Variants in PIK3C2G observed in about 807,000 individuals in gnomAD.
PIK3C2G encodes the protein phosphatidylinositol-4-phosphate 3-kinase catalytic subunit type 2 gamma, also known as phosphatidylinositol 3-kinase C2 domain-containing subunit gamma.
PIK3C2G carries 168 observed loss-of-function variants against 181.1 expected under a neutral mutation model. The ratio of observed to expected loss-of-function variants is 0.93; its 90% CI spans 0.82 to 1.05. The LOEUF (loss-of-function observed/expected upper bound fraction) is 1.05. Ranked by LOEUF, PIK3C2G falls within the 50% of genes least tolerant of loss-of-function variation. The pLI, the probability that PIK3C2G is intolerant of heterozygous loss-of-function variation, is 0.00. For synonymous variants in PIK3C2G, 573 were observed against 592.2 expected (o/e 0.97, Z 0.47); for missense variants, 1,869 against 1,732.8 (o/e 1.08, Z -1.40).
At chr12:18,718,941 C>G in the PIK3C2G span, among the ~76,000 whole-genome samples, 1 of 152,104 alleles carries the variant, frequency 6.6e-6, no homozygotes, top group African/African-American at 2.4e-5. Flanking sequence ...TATTTTTAAT[C>G]TATGTAAACT....
intron 18 of PIK3C2G, 120 bp downstream of exon 18, chr12:18,424,159 C>G: frequency 1.7e-6 from 1 of 603,472 alleles, no homozygotes; most frequent in Non-Finnish European, 3.0e-6. Flanking sequence ...AAAATTCAGG[C>G]AGTTTTGAGT....
chr12:18,574,273 G>T (rs1333675991), intron 29 of PIK3C2G, among the ~76,000 whole-genome samples: 1 of 152,194 alleles, frequency 6.6e-6, no homozygotes, highest in African/African-American at 2.4e-5. Context: ...TTTGATGTAA[G>T]AGTGAAGAAC....
At chr12:18,578,742 T>C (rs898190431) in intron 29 of PIK3C2G, among the ~76,000 whole-genome samples, 1 of 152,158 alleles carries the variant, frequency 6.6e-6, no homozygotes, top group East Asian at 1.9e-4. Context: ...CATTAGAATT[T>C]ATGTAGTCTA....
intron 18 of PIK3C2G, among the ~76,000 whole-genome samples, chr12:18,450,638 G>C (rs1029126638): frequency 1.3e-5 from 2 of 152,152 alleles, no homozygotes; most frequent in Non-Finnish European, 2.9e-5. Flanking sequence ...TGGTGTTTTA[G>C]TCATGAAGTC....
the PIK3C2G span, among the ~76,000 whole-genome samples, chr12:18,664,653 T>C: frequency 4.6e-5 from 7 of 152,084 alleles, no homozygotes; most frequent in East Asian, 2.0e-4. Flanking sequence ...CATCCCATTA[T>C]TGGGTATATA....
At chr12:18,429,541 A>T (rs1359282941) in intron 18 of PIK3C2G, among the ~76,000 whole-genome samples, 1 of 151,218 alleles carries the variant, frequency 6.6e-6, no homozygotes, top group Non-Finnish European at 1.5e-5. Context: ...ACTGTTCATG[A>T]CTCTGCCAGA....
At chr12:18,272,367 T>C (rs942389967) in intron 1 of PIK3C2G, among the ~76,000 whole-genome samples, 1 of 152,202 alleles carries the variant, frequency 6.6e-6, no homozygotes, top group African/African-American at 2.4e-5. Context: ...GACTTCTTCA[T>C]GGTAGTTTTG....
intron 29 of PIK3C2G, among the ~76,000 whole-genome samples, chr12:18,584,345 CT>C (rs1006982693): frequency 2.1e-4 from 32 of 152,094 alleles, no homozygotes; most frequent in African/African-American, 7.7e-4. Context: ...TTTAAAAACC[CT>C]AATAGATCTG....
At chr12:18,439,156 A>T (rs1946601770) in intron 18 of PIK3C2G, among the ~76,000 whole-genome samples, 1 of 152,014 alleles carries the variant, frequency 6.6e-6, no homozygotes, top group South Asian at 2.1e-4. Context: ...TAGTAGAAAA[A>T]TCACTGTATA....
chr12:18,537,527 A>T (rs969937760), intron 24 of PIK3C2G, among the ~76,000 whole-genome samples: 2 of 151,930 alleles, frequency 1.3e-5, no homozygotes, highest in African/African-American at 4.8e-5. Flanking sequence ...TTGTTTTCTT[A>T]TTTTTCCATC....
intron 5 of PIK3C2G, among the ~76,000 whole-genome samples, chr12:18,312,002 T>C (rs573474634): frequency 2.0e-5 from 3 of 152,286 alleles, no homozygotes; most frequent in South Asian, 4.1e-4. Flanking sequence ...GGGAGAAAGA[T>C]GTAGGCTGCG....
Position 18,640,504 on chromosome 12 carries a change from A to G in PIK3C2G, c.4258A>G (p.Arg1420Gly), listed in dbSNP as rs768818731. 8 of 1,605,986 alleles carry G rather than the reference A, an allele frequency of 5.0e-6. No individual in the cohort carries two copies. Among genetic ancestry groups the G allele is most frequent in the Non-Finnish European group, 6.0e-6 (7 of 1,175,306 alleles). ...LLPYPSEVRR[R>G]KTKSVPKCTD... ...ACCATATCCCAGTGAAGTTCGTAGGAGGAAAACAAAATCTGTTCCAAAATG... is the reference window on the plus strand; with the variant it reads ...ACCATATCCCAGTGAAGTTCGTAGGGGGAAAACAAAATCTGTTCCAAAATG... The change falls in exon 32 of 33, where the codon AGG becomes GGG. Residue 1420 changes from arginine to glycine, a missense_variant. Physicochemically the swap from Arg to Gly is moderately radical, Grantham distance 125. Coordinates refer to ENST00000538779, the MANE Select transcript of PIK3C2G (RefSeq NM_001288772.2).
intron 1 of PIK3C2G, among the ~76,000 whole-genome samples, chr12:18,281,271 A>G (rs1029832696): frequency 5.0e-5 from 7 of 139,496 alleles, no homozygotes; most frequent in African/African-American, 1.8e-4. Context: ...TAATAGGCAA[A>G]AAAAAAAAAA....
rs369523904 is a variant in PIK3C2G at position 18,645,782 on chromosome 12, G to T, written c.4309-2094G>T. ...ATGAGAAAACACACAGTTGACAACA[G>T]ATTCATGAAAATATAAATTATTGAT... On this transcript the variant is annotated intron_variant, in intron 32 of 32. Transcript: ENST00000538779. Among the ~76,000 whole-genome samples, 484 of 152,216 alleles carry T rather than the reference G, an allele frequency of 3.2e-3. 5 individuals are homozygous for T. The highest frequency in any genetic ancestry group is 0.011 in the African/African-American group (459 of 41,532).
chr12:18,542,063 T>C (rs1944183673), intron 25 of PIK3C2G, among the ~76,000 whole-genome samples: 1 of 151,752 alleles, frequency 6.6e-6, no homozygotes, highest in Admixed American at 6.6e-5. Context: ...CGAGTAAGTA[T>C]AGGGTCCACT....
At chr12:18,704,001 TA>T in the PIK3C2G span, among the ~76,000 whole-genome samples, 2 of 152,204 alleles carry the variant, frequency 1.3e-5, no homozygotes, top group African/African-American at 2.4e-5. Flanking sequence ...AGTTTATTTG[TA>T]ATCTGATAAA....
chr12:18,486,455 A>G (rs1184789369), intron 18 of PIK3C2G, among the ~76,000 whole-genome samples: 1 of 152,114 alleles, frequency 6.6e-6, no homozygotes, highest in East Asian at 1.9e-4. Flanking sequence ...TCAATAGAAT[A>G]AGGAATAAGA....
chr12:18,347,655 C>T (rs1367336191), intron 11 of PIK3C2G, among the ~76,000 whole-genome samples: 1 of 151,790 alleles, frequency 6.6e-6, no homozygotes, highest in African/African-American at 2.4e-5. Context: ...ACTAAAAATA[C>T]AAAAAATTAG....
intron 24 of PIK3C2G, among the ~76,000 whole-genome samples, chr12:18,536,715 T>C (rs1037822129): frequency 1.6e-4 from 24 of 152,130 alleles, no homozygotes; most frequent in African/African-American, 5.5e-4. Context: ...CTATATCTCA[T>C]GTTTTCAACA....
Sources: gnomAD v4.1 joint callset for allele counts (sites outside exome capture counted in the v4.1 genomes callset) on GRCh38, gnomAD v4.1.1 for gene constraint, MANE v1.5 for transcripts, NCBI Gene and HGNC (gene_info 2026-07-23, HGNC 2026-07-21) for gene names.